RUNX2: variants seen among roughly 807,000 people sequenced by gnomAD.
The protein encoded by RUNX2 is RUNX family transcription factor 2.
A neutral mutation model predicts 51.7 loss-of-function variants in RUNX2; 10 were observed. That is an observed-to-expected ratio of 0.19 (90% CI 0.12 to 0.33). The LOEUF (loss-of-function observed/expected upper bound fraction) is 0.33, where lower values mean the gene tolerates loss of function less well. Ranked by LOEUF, RUNX2 falls within the 10% of genes least tolerant of loss-of-function variation. RUNX2 has a pLI of 1.00. For missense variants in RUNX2, 562 were observed against 691.3 expected (o/e 0.81, Z 2.10); for synonymous variants, 276 against 273.6 (o/e 1.01, Z -0.09).
chr6:45,393,558 T>G (rs1212846726), intron 2 of RUNX2, among the ~76,000 whole-genome samples: 1 of 152,006 alleles, frequency 6.6e-6, no homozygotes, highest in Admixed American at 6.6e-5. Flanking sequence ...GCCTCCCGAA[T>G]AGCTGGGACT....
intron 2 of RUNX2, among the ~76,000 whole-genome samples, chr6:45,415,426 C>G (rs915401913): frequency 4.3e-4 from 65 of 152,252 alleles, no homozygotes; most frequent in Non-Finnish European, 7.1e-4. Flanking sequence ...AGAAGTTGTG[C>G]TAGTAGAGCT....
chr6:45,527,376 TG>T (rs1801702400), intron 7 of RUNX2, among the ~76,000 whole-genome samples: 1 of 152,210 alleles, frequency 6.6e-6, no homozygotes, highest in Non-Finnish European at 1.5e-5. Context: ...AAGCTCACTC[TG>T]GCGGTTGGGT....
At chr6:45,392,871 A>G (rs548783440) in intron 2 of RUNX2, among the ~76,000 whole-genome samples, 2 of 152,188 alleles carry the variant, frequency 1.3e-5, no homozygotes, top group Admixed American at 6.5e-5. Flanking sequence ...CATTACAAGT[A>G]TGTTACCCTT....
At position 45,362,645 on chromosome 6, in the gene RUNX2, A is replaced by G. The variant is rs919668300; in HGVS notation, c.58+33861A>G. ...TCCTAAGGGCAAAAAAAATAACTTC[A>G]GACTATAAATGATGAATGTAACTAT... On this transcript the variant is annotated intron_variant, in intron 2 of 8. Transcript: ENST00000647337. 3.0e-4 allele frequency among the ~76,000 whole-genome samples: 45 copies of G among 152,202 alleles called. 1 individual carries two copies. Among genetic ancestry groups the G allele is most frequent in the Admixed American group, 2.9e-3 (44 of 15,280 alleles).
chr6:45,370,984 T>C (rs1451137841), intron 2 of RUNX2, among the ~76,000 whole-genome samples: 6 of 152,296 alleles, frequency 3.9e-5, no homozygotes, highest in East Asian at 1.9e-4. Flanking sequence ...AGATTATCCT[T>C]AAGCCCTGAC....
intron 6 of RUNX2, among the ~76,000 whole-genome samples, chr6:45,498,905 A>G (rs141683343): frequency 2.0e-4 from 31 of 152,322 alleles, no homozygotes; most frequent in Non-Finnish European, 4.1e-4. Context: ...GTGCTGAGTG[A>G]CCACATGATT....
intron 4 of RUNX2, among the ~76,000 whole-genome samples, chr6:45,434,931 G>A (rs1027181736): frequency 1.3e-5 from 2 of 152,150 alleles, no homozygotes; most frequent in African/African-American, 4.8e-5. Context: ...ATTATTATAG[G>A]ATGAAGAACC....
intron 2 of RUNX2, among the ~76,000 whole-genome samples, chr6:45,349,846 TTC>T (rs949907237): frequency 4.6e-5 from 7 of 152,256 alleles, no homozygotes; most frequent in African/African-American, 1.7e-4. Flanking sequence ...GTTGTCAATG[TTC>T]TCTTTTATTC....
intron 2 of RUNX2, among the ~76,000 whole-genome samples, chr6:45,402,001 C>T (rs903878391): frequency 3.9e-5 from 6 of 152,182 alleles, no homozygotes; most frequent in Admixed American, 6.5e-5. Context: ...TATCAGGAAA[C>T]GTCCCATTCG....
chr6:45,538,070 ACTT>A (rs1802091660), intron 7 of RUNX2, among the ~76,000 whole-genome samples: 1 of 152,026 alleles, frequency 6.6e-6, no homozygotes, highest in African/African-American at 2.4e-5. Flanking sequence ...CCATTTGTCC[ACTT>A]CTTGTATTTC....
At chr6:45,545,660 G>A (rs938398914) in intron 8 of RUNX2, among the ~76,000 whole-genome samples, 1 of 152,132 alleles carries the variant, frequency 6.6e-6, no homozygotes, top group South Asian at 2.1e-4. Flanking sequence ...AAATATATGA[G>A]ATCTGAATAA....
At chr6:45,466,211 G>C (rs1417321859) in intron 5 of RUNX2, among the ~76,000 whole-genome samples, 1 of 151,910 alleles carries the variant, frequency 6.6e-6, no homozygotes, top group Non-Finnish European at 1.5e-5. Flanking sequence ...TACTCAGGAG[G>C]CTGAGGCAGG....
At chr6:45,491,618 G>GTTTTTTTTT (rs1476747280) in intron 5 of RUNX2, among the ~76,000 whole-genome samples, 1 of 105,216 alleles carries the variant, frequency 9.5e-6, no homozygotes, top group Non-Finnish European at 2.0e-5. Context: ...CATCTCTCCT[G>GTTTTTTTTT]TTTGTTTTTT....
At chr6:45,450,994 G>C (rs1361074493) in intron 5 of RUNX2, among the ~76,000 whole-genome samples, 1 of 152,218 alleles carries the variant, frequency 6.6e-6, no homozygotes, top group Non-Finnish European at 1.5e-5. Context: ...CCAGGTGCCT[G>C]AGATTCTTCT....
chr6:45,382,178 A>G (rs1236260039), intron 2 of RUNX2, among the ~76,000 whole-genome samples: 1 of 152,206 alleles, frequency 6.6e-6, no homozygotes, highest in East Asian at 1.9e-4. Flanking sequence ...AACAACTTCT[A>G]CATTTCAACG....
rs1799489244 is a variant in RUNX2 at position 45,461,930 on chromosome 6, T to A, written c.685+23879T>A. 3.3e-5 allele frequency among the ~76,000 whole-genome samples: 5 copies of A among 152,162 alleles called. No homozygotes were observed. In the South Asian group the frequency reaches 1.0e-3, roughly 32 times the overall value. On this transcript the variant is annotated intron_variant, in intron 5 of 8. Transcript: ENST00000647337. ...CAATATAAATTACTAGCTTTAAAAA[T>A]GTTCCCAGGGCAGCTGTGGCTAGAA... is the stretch of plus-strand genomic sequence containing the variant.
At chr6:45,340,795 T>C (rs1238178367) in intron 2 of RUNX2, among the ~76,000 whole-genome samples, 2 of 152,126 alleles carry the variant, frequency 1.3e-5, no homozygotes, top group Non-Finnish European at 2.9e-5. Context: ...CTAATCCTCA[T>C]TTATAAAATT....
intron 7 of RUNX2, among the ~76,000 whole-genome samples, chr6:45,526,059 G>T (rs1801668175): frequency 6.6e-6 from 1 of 151,954 alleles, no homozygotes; most frequent in Non-Finnish European, 1.5e-5. Flanking sequence ...TTTAATCGAA[G>T]AACTAAATTA....
intron 2 of RUNX2, among the ~76,000 whole-genome samples, chr6:45,403,146 G>A (rs187415017): frequency 6.7e-6 from 1 of 149,652 alleles, no homozygotes; most frequent in East Asian, 1.9e-4. Flanking sequence ...ACAAAAAATA[G>A]GATTTAAGGA....
Sources: allele counts gnomAD v4.1 joint callset (sites outside exome capture counted in the v4.1 genomes callset), GRCh38; gene constraint gnomAD v4.1.1; transcripts MANE v1.5; gene names NCBI Gene and HGNC (gene_info 2026-07-23, HGNC 2026-07-21).